LRP1B: variants seen among roughly 807,000 people sequenced by gnomAD.
LRP1B encodes low-density lipoprotein receptor-related protein 1B.
A neutral mutation model predicts 556.6 loss-of-function variants in LRP1B; 217 were observed. The observed-to-expected ratio is 0.39, with a 90% CI of 0.35 to 0.44. The LOEUF is 0.44. LRP1B is among the 20% of genes least tolerant of loss of function. The probability of loss-of-function intolerance (pLI) is 1.00; values close to 1 mark genes in which losing one functional copy is unlikely to be tolerated. For missense variants in LRP1B, 5,053 were observed against 5,620.8 expected, an observed-to-expected ratio of 0.90 and a Z score of 3.23; for synonymous variants, 2,047 against 1,865.8, an observed-to-expected ratio of 1.10 and a Z score of -2.50.
At chr2:140,655,840 A>G (rs1353473857) in intron 41 of LRP1B, among the ~76,000 whole-genome samples, 1 of 151,892 alleles carries the variant, frequency 6.6e-6, no homozygotes, top group Non-Finnish European at 1.5e-5. Context: ...CTACTCGGGA[A>G]GCTGGCGCAG....
intron 2 of LRP1B, among the ~76,000 whole-genome samples, chr2:141,752,875 T>C (rs1013812000): frequency 5.3e-5 from 7 of 131,710 alleles, no homozygotes; most frequent in African/African-American, 1.7e-4. Context: ...GCCCGGGAGG[T>C]TGAGCCTACA....
At chr2:140,592,861 G>A (rs1438991956) in intron 43 of LRP1B, among the ~76,000 whole-genome samples, 1 of 151,834 alleles carries the variant, frequency 6.6e-6, no homozygotes, top group South Asian at 2.1e-4. Flanking sequence ...GATCATTTGA[G>A]CCCAGGGTTA....
rs116260962 is a variant in LRP1B, at chr2:140,819,112, G to A, written c.5210-5306C>T. 6.9e-3 allele frequency among the ~76,000 whole-genome samples: 1,055 copies of A among 152,210 alleles called. 14 individuals are homozygous for A. Among genetic ancestry groups the A allele is most frequent in the African/African-American group, 0.024 (1,003 of 41,536 alleles). ...GCCCTTGCTGCTCCACCATTGTGAG[G>A]TGGTAATGATAAGAATAATGCCTCA... On this transcript the variant is annotated intron_variant, in intron 31 of 90. Coordinates refer to ENST00000389484, the MANE Select transcript of LRP1B (RefSeq NM_018557.3).
intron 2 of LRP1B, among the ~76,000 whole-genome samples, chr2:141,810,062 C>T (rs1481789674): frequency 7.2e-6 from 1 of 138,660 alleles, no homozygotes; most frequent in African/African-American, 2.7e-5. Flanking sequence ...AAAACACAAA[C>T]AAAAGGTTTC....
chr2:142,035,686 A>T (rs907994480), intron 1 of LRP1B, among the ~76,000 whole-genome samples: 1 of 151,526 alleles, frequency 6.6e-6, no homozygotes, highest in African/African-American at 2.4e-5. Flanking sequence ...TTGTCTTTCA[A>T]ATTTCCTTTC....
At chr2:141,643,713 T>C (rs888796726) in intron 2 of LRP1B, among the ~76,000 whole-genome samples, 2 of 152,136 alleles carry the variant, frequency 1.3e-5, no homozygotes, top group African/African-American at 4.8e-5. Context: ...TATTTCTAAT[T>C]TTACAAGAGT....
At chr2:141,746,553 T>C (rs1043823568) in intron 2 of LRP1B, among the ~76,000 whole-genome samples, 4 of 152,074 alleles carry the variant, frequency 2.6e-5, no homozygotes, top group Admixed American at 6.6e-5. Flanking sequence ...CAGATCAAGA[T>C]GGTCTTTTCT....
intron 3 of LRP1B, among the ~76,000 whole-genome samples, chr2:141,322,248 T>G (rs1282615033): frequency 6.6e-6 from 1 of 152,022 alleles, no homozygotes; most frequent in African/African-American, 2.4e-5. Context: ...ACAATGGGCT[T>G]AAGGAATGGG....
chr2:141,397,113 C>CAAAAAAAAAATAAAAAAAAAAAAAAAAA (rs1690266078), intron 3 of LRP1B, among the ~76,000 whole-genome samples: 1 of 41,964 alleles, frequency 2.4e-5, no homozygotes, highest in Non-Finnish European at 3.8e-5. Flanking sequence ...AACTTTGTCT[C>CAAAAAAAAAATAAAAAAAAAAAAAAAAA]AAAAAAAAAA....
intron 3 of LRP1B, among the ~76,000 whole-genome samples, chr2:141,349,312 G>T (rs1688365354): frequency 6.6e-6 from 1 of 151,940 alleles, no homozygotes; most frequent in Admixed American, 6.6e-5. Flanking sequence ...CCTATGCCAG[G>T]GCCTACTGTG....
intron 35 of LRP1B, among the ~76,000 whole-genome samples, chr2:140,734,871 C>T (rs1039315237): frequency 6.6e-6 from 1 of 152,178 alleles, no homozygotes. Context: ...TGCACCATAG[C>T]CTGAGACTTT....
At chr2:140,941,187 G>A (rs1695391249) in intron 20 of LRP1B, among the ~76,000 whole-genome samples, 1 of 152,084 alleles carries the variant, frequency 6.6e-6, no homozygotes, top group Non-Finnish European at 1.5e-5. Context: ...ACTTTCCCAT[G>A]TATTAACCAT....
At chr2:141,792,883 G>T (rs182548512) in intron 2 of LRP1B, among the ~76,000 whole-genome samples, 10 of 151,994 alleles carry the variant, frequency 6.6e-5, no homozygotes, top group African/African-American at 2.2e-4. Context: ...CAAAGATTAA[G>T]AAAAATATCT....
At chr2:141,731,347 G>T (rs1024019532) in intron 2 of LRP1B, among the ~76,000 whole-genome samples, 1 of 152,072 alleles carries the variant, frequency 6.6e-6, no homozygotes, top group Non-Finnish European at 1.5e-5. Flanking sequence ...AAGGATAAGG[G>T]TTACAGCTGC....
chr2:141,518,125 A>T (rs1391325835), intron 2 of LRP1B, among the ~76,000 whole-genome samples: 2 of 24,208 alleles, frequency 8.3e-5, no homozygotes, highest in African/African-American at 2.2e-4. Flanking sequence ...TTATCTTTAA[A>T]AAAAAAAAAG....
chr2:140,436,428 A>T (rs1039383507), intron 66 of LRP1B, among the ~76,000 whole-genome samples: 1 of 152,174 alleles, frequency 6.6e-6, no homozygotes, highest in Non-Finnish European at 1.5e-5. Flanking sequence ...CACCAGTCAC[A>T]CATACATACC....
Position 140,872,063 on chromosome 2 carries a change from T to C in LRP1B, c.4170-3800A>G, listed in dbSNP as rs1324293562. ...AAAAGTCCTTCATGTTTTTTTTTTTTTCTCTCCTAGGACCTTGTATTTTTT... is the reference window on the plus strand; with the variant it reads ...AAAAGTCCTTCATGTTTTTTTTTTTCTCTCTCCTAGGACCTTGTATTTTTT... On this transcript the variant is annotated intron_variant, in intron 25 of 90. Coordinates refer to ENST00000389484, the MANE Select transcript of LRP1B (RefSeq NM_018557.3). Among the ~76,000 whole-genome samples the C allele has an allele frequency of 4.8e-5, 7 of 146,204 alleles. No individual in the cohort carries two copies. The East Asian group carries it at 1.4e-3, about 30-fold the overall frequency.
intron 2 of LRP1B, among the ~76,000 whole-genome samples, chr2:141,787,947 C>T: frequency 6.6e-6 from 1 of 151,902 alleles, no homozygotes; most frequent in Non-Finnish European, 1.5e-5. Context: ...ATTTTATCAT[C>T]ATATATTGAT....
In LRP1B at chr2:140,583,142, G is replaced by A. The variant is rs187140994; in HGVS notation, c.7194+15489C>T. On this transcript the variant is annotated intron_variant, in intron 43 of 90. Coordinates refer to ENST00000389484, the MANE Select transcript of LRP1B (RefSeq NM_018557.3). ...GCATGAGAGCATGAGTCTACTGAAA[G>A]TTTCTATTGACAGTTTCTCCTTTTT... Among the ~76,000 whole-genome samples, 5 of 138,524 alleles carry A rather than the reference G, an allele frequency of 3.6e-5. 1 individual carries two copies. In the East Asian group the frequency reaches 8.7e-4, roughly 24 times the overall value. The allele number at this position is 138,524 out of a possible 152,430, so 90.9% of individuals were successfully genotyped here.
Sources: gnomAD v4.1 joint callset for allele counts (sites outside exome capture counted in the v4.1 genomes callset) on GRCh38, gnomAD v4.1.1 for gene constraint, MANE v1.5 for transcripts, NCBI Gene and HGNC (gene_info 2026-07-23, HGNC 2026-07-21) for gene names.